SGCZ: variants seen among roughly 807,000 people sequenced by gnomAD.
SGCZ encodes sarcoglycan zeta, also known as zeta-sarcoglycan.
In SGCZ, 40 loss-of-function variants were observed where a neutral mutation model predicts 41.3. The observed-to-expected ratio is 0.97, with a 90% CI of 0.75 to 1.26. The LOEUF is 1.26. Ranked by LOEUF, SGCZ falls within the 50% of genes most tolerant of loss-of-function variation. The probability of loss-of-function intolerance (pLI) is 0.00; values close to 1 mark genes in which losing one functional copy is unlikely to be tolerated. For synonymous variants in SGCZ, 206 were observed against 137.5 expected, an observed-to-expected ratio of 1.50 and a Z score of -3.49; for missense variants, 552 against 369.8, an observed-to-expected ratio of 1.49 and a Z score of -4.04.
In SGCZ at chr8:14,432,934, AAAAAAAAAG is replaced by A. The variant is rs1363879739; in HGVS notation, c.235-108739_235-108731del. ...GTCTCCAAAAAAAAAAAAAAAAAAA[AAAAAAAAAG>A]CTTACTCATGTAACCAAACACCACC... On this transcript the variant is annotated intron_variant, in intron 2 of 7. Coordinates refer to ENST00000382080, the MANE Select transcript of SGCZ (RefSeq NM_139167.4). 7.1e-4 allele frequency among the ~76,000 whole-genome samples: 107 copies of A among 149,890 alleles called. 1 individual carries two copies. Among genetic ancestry groups the A allele is most frequent in the African/African-American group, 2.5e-3 (100 of 40,600 alleles).
At chr8:14,151,703 G>A (rs1333995771) in intron 5 of SGCZ, among the ~76,000 whole-genome samples, 1 of 152,050 alleles carries the variant, frequency 6.6e-6, no homozygotes, top group African/African-American at 2.4e-5. Flanking sequence ...TTTACCTAAT[G>A]TAAAGGTCTA....
intron 5 of SGCZ, among the ~76,000 whole-genome samples, chr8:14,156,377 C>T (rs1803876428): frequency 6.6e-6 from 1 of 152,098 alleles, no homozygotes. Context: ...GGGAGAATGG[C>T]ATGAACCCAG....
chr8:15,066,546 A>T (rs542432246), intron 1 of SGCZ, among the ~76,000 whole-genome samples: 2 of 152,270 alleles, frequency 1.3e-5, no homozygotes, highest in African/African-American at 4.8e-5. Context: ...AGATTTTCAT[A>T]GTCAACTTTT....
chr8:14,590,794 A>G (rs1805215161), intron 1 of SGCZ, among the ~76,000 whole-genome samples: 1 of 148,104 alleles, frequency 6.8e-6, no homozygotes, highest in South Asian at 2.1e-4. Flanking sequence ...TGTACTTTAT[A>G]ATATATATGA....
In SGCZ at chr8:15,066,571, T is replaced by C. The variant is rs1414646655; in HGVS notation, c.39+171014A>G. Among the ~76,000 whole-genome samples the C allele has an allele frequency of 3.3e-5, 5 of 152,232 alleles. No homozygotes were observed. In the East Asian group the frequency reaches 7.7e-4, roughly 23 times the overall value. On this transcript the variant is annotated intron_variant, in intron 1 of 7. Coordinates refer to ENST00000382080, the MANE Select transcript of SGCZ (RefSeq NM_139167.4). ...AGTCAACTTTTATAATTCTTTCTGC[T>C]TTATTTGTATCTCCTGACATACTAA...
chr8:15,025,529 A>C (rs1186758472), intron 1 of SGCZ, among the ~76,000 whole-genome samples: 1 of 152,206 alleles, frequency 6.6e-6, no homozygotes, highest in African/African-American at 2.4e-5. Context: ...ACAGGTTAAG[A>C]AAGAAAGTAT....
At chr8:14,095,543 T>C (rs1002460638) in intron 7 of SGCZ, among the ~76,000 whole-genome samples, 2 of 152,330 alleles carry the variant, frequency 1.3e-5, no homozygotes, top group African/African-American at 4.8e-5. Context: ...GCATGATGCC[T>C]GCAGCTTTGT....
intron 1 of SGCZ, among the ~76,000 whole-genome samples, chr8:15,125,483 C>T (rs1160274545): frequency 6.6e-6 from 1 of 152,258 alleles, no homozygotes; most frequent in African/African-American, 2.4e-5. Flanking sequence ...CTTCTCTGAT[C>T]CTTCCAAAGA....
chr8:14,326,110 T>TAAAAAAAAAAAAAA (rs1464670022), intron 2 of SGCZ, among the ~76,000 whole-genome samples: 1 of 196 alleles, frequency 5.1e-3, no homozygotes, highest in East Asian at 0.5. Flanking sequence ...AGACTCCGTC[T>TAAAAAAAAAAAAAA]CAAAAAAAAA....
At chr8:14,456,973 T>A (rs1332252169) in intron 2 of SGCZ, among the ~76,000 whole-genome samples, 1 of 152,184 alleles carries the variant, frequency 6.6e-6, no homozygotes, top group African/African-American at 2.4e-5. Flanking sequence ...GTAAGCCTTG[T>A]GAGGCCTCCC....
At chr8:14,952,940 G>A (rs1380590767) in intron 1 of SGCZ, among the ~76,000 whole-genome samples, 4 of 152,062 alleles carry the variant, frequency 2.6e-5, no homozygotes, top group Admixed American at 2.0e-4. Flanking sequence ...AATCAACACT[G>A]CAAAATTCTA....
At chr8:14,975,288 A>G (rs943448750) in intron 1 of SGCZ, among the ~76,000 whole-genome samples, 3 of 152,174 alleles carry the variant, frequency 2.0e-5, no homozygotes, top group African/African-American at 7.2e-5. Flanking sequence ...CCTGGGCGAC[A>G]GAGCAAAACT....
chr8:14,485,124 C>A (rs1213958321), intron 2 of SGCZ, among the ~76,000 whole-genome samples: 5 of 152,208 alleles, frequency 3.3e-5, no homozygotes, highest in African/African-American at 1.2e-4. Flanking sequence ...TTCCTCTCAT[C>A]TTCTTGTTAC....
At chr8:15,222,404 C>T (rs1420814811) in intron 1 of SGCZ, among the ~76,000 whole-genome samples, 1 of 151,918 alleles carries the variant, frequency 6.6e-6, no homozygotes, top group African/African-American at 2.4e-5. Context: ...AACTGGGAGG[C>T]ACTTCCAGTT....
chr8:14,278,389 C>T (rs1800307322), intron 3 of SGCZ, among the ~76,000 whole-genome samples: 1 of 152,044 alleles, frequency 6.6e-6, no homozygotes, highest in South Asian at 2.1e-4. Flanking sequence ...TCACAACATC[C>T]ATGTGTTCTG....
intron 2 of SGCZ, among the ~76,000 whole-genome samples, chr8:14,390,934 A>G (rs1804748736): frequency 6.6e-6 from 1 of 152,130 alleles, no homozygotes; most frequent in Non-Finnish European, 1.5e-5. Flanking sequence ...TAAAGTTTAC[A>G]CGTTCATTTA....
chr8:15,058,353 T>C (rs1041077640), intron 1 of SGCZ, among the ~76,000 whole-genome samples: 6 of 152,176 alleles, frequency 3.9e-5, no homozygotes, highest in Non-Finnish European at 7.3e-5. Flanking sequence ...CAAGTTAAGC[T>C]GAATCACATT....
chr8:14,605,477 T>C (rs1252086502), intron 1 of SGCZ, among the ~76,000 whole-genome samples: 1 of 152,178 alleles, frequency 6.6e-6, no homozygotes, highest in African/African-American at 2.4e-5. Context: ...AGCCACCCTG[T>C]TATGCTATCA....
At chr8:14,137,816 G>A (rs1209384438) in intron 5 of SGCZ, among the ~76,000 whole-genome samples, 2 of 152,088 alleles carry the variant, frequency 1.3e-5, no homozygotes, top group South Asian at 2.1e-4. Context: ...TTGAAATTCA[G>A]GAAATACAGA....
Sources: gnomAD v4.1 joint callset for allele counts (sites outside exome capture counted in the v4.1 genomes callset) on GRCh38, gnomAD v4.1.1 for gene constraint, MANE v1.5 for transcripts, NCBI Gene and HGNC (gene_info 2026-07-23, HGNC 2026-07-21) for gene names.